The following MTUS2 variants were observed in gnomAD, a reference collection of about 807,000 sequenced individuals.
MTUS2 encodes microtubule associated scaffold protein 2, also known as microtubule-associated tumor suppressor candidate 2.
Under a neutral mutation model 114.1 loss-of-function variants are expected in MTUS2, and 40 were observed. That is an observed-to-expected ratio of 0.35 (90% CI 0.27 to 0.46). The LOEUF is 0.46. Among genes scored for constraint, MTUS2 ranks in the 20% least tolerant of loss-of-function variants. The pLI, the probability that MTUS2 is intolerant of heterozygous loss-of-function variation, is 1.00. For missense variants in MTUS2, 1,679 were observed against 1,705.4 expected (o/e 0.98, Z 0.27); for synonymous variants, 688 against 672.0 (o/e 1.02, Z -0.37).
intron 2 of MTUS2, among the ~76,000 whole-genome samples, chr13:28,860,587 G>A (rs1876911983): frequency 6.6e-6 from 1 of 152,196 alleles, no homozygotes; most frequent in South Asian, 2.1e-4. Context: ...GCCACATGCT[G>A]CATGTCAGCC....
intron 8 of MTUS2, among the ~76,000 whole-genome samples, chr13:29,364,471 G>A (rs1299486499): frequency 6.6e-6 from 1 of 152,200 alleles, no homozygotes; most frequent in African/African-American, 2.4e-5. Context: ...GCTCTAGCAT[G>A]GATTGCAAAC....
chr13:28,997,465 G>A (rs148827801), intron 2 of MTUS2, among the ~76,000 whole-genome samples: 1,572 of 152,280 alleles, frequency 0.01, 25 homozygotes, highest in African/African-American at 0.036. Context: ...CTGTCTCGTT[G>A]ATCTGTCTAA....
chr13:29,020,833 C>G (rs938726030), intron 2 of MTUS2, among the ~76,000 whole-genome samples: 5 of 131,604 alleles, frequency 3.8e-5, no homozygotes, highest in African/African-American at 1.5e-4. Context: ...CTTTCATTTC[C>G]TTACCAGGAC....
chr13:29,245,463 G>A (rs1354512740), intron 5 of MTUS2, among the ~76,000 whole-genome samples: 1 of 152,142 alleles, frequency 6.6e-6, no homozygotes, highest in Admixed American at 6.6e-5. Context: ...GTCTGGCATT[G>A]AGTAAACAGC....
chr13:28,922,739 C>G (rs1881113294), intron 2 of MTUS2, among the ~76,000 whole-genome samples: 1 of 152,176 alleles, frequency 6.6e-6, no homozygotes, highest in Admixed American at 6.5e-5. Context: ...GACTGTCTTT[C>G]CTACCCCCCT....
intron 5 of MTUS2, among the ~76,000 whole-genome samples, chr13:29,214,467 A>G (rs1895595392): frequency 6.6e-6 from 1 of 152,094 alleles, no homozygotes. Flanking sequence ...TGGTCTTTAC[A>G]TTTTGGTATA....
intron 9 of MTUS2, among the ~76,000 whole-genome samples, chr13:29,453,425 A>G (rs1370098033): frequency 1.3e-5 from 2 of 152,180 alleles, no homozygotes; most frequent in Non-Finnish European, 2.9e-5. Flanking sequence ...ACCCTTTGCT[A>G]TGCCAGGAGG....
intron 2 of MTUS2, among the ~76,000 whole-genome samples, chr13:28,980,244 TC>T (rs762992272): frequency 6.6e-5 from 10 of 152,222 alleles, no homozygotes; most frequent in Non-Finnish European, 1.2e-4. Flanking sequence ...CAAGAATGTT[TC>T]CCCCTAGTTT....
At chr13:29,185,601 A>G (rs987342612) in intron 5 of MTUS2, among the ~76,000 whole-genome samples, 1 of 152,210 alleles carries the variant, frequency 6.6e-6, no homozygotes, top group Admixed American at 6.5e-5. Flanking sequence ...CCCAAAAATC[A>G]TGAAGGCCAG....
chr13:29,405,461 G>A (rs773633121), intron 8 of MTUS2, among the ~76,000 whole-genome samples: 53 of 152,026 alleles, frequency 3.5e-4, no homozygotes, highest in Non-Finnish European at 3.7e-4. Flanking sequence ...TTATTGTAAC[G>A]GAAATCCAAA....
Position 28,936,937 on chromosome 13 carries a change from A to G in MTUS2, c.-242-87520A>G, listed in dbSNP as rs144255366. Among the ~76,000 whole-genome samples the G allele has an allele frequency of 9.5e-4, 145 of 152,304 alleles. 2 individuals are homozygous for G. The East Asian group carries it at 0.028, about 29-fold the overall frequency. ...CGGTTTGTTCCTTTGTGCTGTAACA[A>G]CATGATGTGACCTTCTGTATGGGAT... On this transcript the variant is annotated intron_variant, in intron 2 of 15. Transcript: ENST00000612955.
rs1470779007 is a variant in MTUS2 at position 29,359,264 on chromosome 13, T to A, written c.2908T>A (p.Tyr970Asn). 1.3e-6 allele frequency: 2 copies of A among 1,596,274 alleles called. No individual in the cohort carries two copies. The highest frequency in any genetic ancestry group is 2.3e-5 in the South Asian group (2 of 88,288). ...GGGTTTGGTTTTCTTTCTCACAGGA[T>A]ACCCAAAGCAGAGGACTGCGGCAGC... is the stretch of plus-strand genomic sequence containing the variant. ...ASTTKLHSPG[Y>N]PKQRTAAARN... Residue 970 changes from tyrosine to asparagine, a missense_variant and splice_region_variant, in exon 8 of 16, where the codon TAC becomes AAC. Transcript: ENST00000612955.
intron 4 of MTUS2, among the ~76,000 whole-genome samples, chr13:29,077,923 A>C (rs1254938857): frequency 6.6e-6 from 1 of 152,220 alleles, no homozygotes; most frequent in Non-Finnish European, 1.5e-5. Context: ...TCAATACAAA[A>C]AGGGAAAATG....
At chr13:28,899,032 C>A (rs1593281975) in intron 2 of MTUS2, among the ~76,000 whole-genome samples, 1 of 152,176 alleles carries the variant, frequency 6.6e-6, no homozygotes, top group Admixed American at 6.5e-5. Context: ...GCTGGCTTGG[C>A]AAGGAGGATG....
At chr13:28,842,631 C>A (rs898188883) in intron 2 of MTUS2, among the ~76,000 whole-genome samples, 12 of 152,056 alleles carry the variant, frequency 7.9e-5, no homozygotes, top group Admixed American at 6.5e-4. Flanking sequence ...ACATAGTTGT[C>A]CTCATTATTT....
intron 5 of MTUS2, among the ~76,000 whole-genome samples, chr13:29,251,292 G>GATAATAATA (rs10526021): frequency 0.11 from 15,684 of 146,368 alleles, 884 homozygotes; most frequent in Middle Eastern, 0.16. Context: ...ATGGGATGAT[G>GATAATAATA]ATAATAATAA....
chr13:28,949,755 A>G (rs1382706337), intron 2 of MTUS2, among the ~76,000 whole-genome samples: 1 of 152,204 alleles, frequency 6.6e-6, no homozygotes, highest in Non-Finnish European at 1.5e-5. Context: ...AATGCCCCCA[A>G]GGTTCATCCA....
intron 5 of MTUS2, among the ~76,000 whole-genome samples, chr13:29,170,814 G>T (rs1404001127): frequency 6.6e-6 from 1 of 152,222 alleles, no homozygotes; most frequent in Non-Finnish European, 1.5e-5. Flanking sequence ...TAAAGTGTGT[G>T]TCTCTTGTTG....
chr13:29,095,493 C>T (rs1381205039), intron 4 of MTUS2, among the ~76,000 whole-genome samples: 1 of 149,278 alleles, frequency 6.7e-6, no homozygotes. Context: ...TTTACATTTA[C>T]CTTATTTGGT....
Sources: allele counts gnomAD v4.1 joint callset (sites outside exome capture counted in the v4.1 genomes callset), GRCh38; gene constraint gnomAD v4.1.1; transcripts MANE v1.5; gene names NCBI Gene and HGNC (gene_info 2026-07-23, HGNC 2026-07-21).